Variants in ZNF146 observed in about 807,000 individuals in gnomAD.
ZNF146 encodes zinc finger protein 146.
In ZNF146, 9 loss-of-function variants were observed where a neutral mutation model predicts 22.2. The observed-to-expected ratio is 0.41, with a 90% CI of 0.24 to 0.71. The LOEUF (loss-of-function observed/expected upper bound fraction) is 0.71. ZNF146 is among the 30% of genes least tolerant of loss of function. The pLI is 0.34. For missense variants in ZNF146, 194 were observed against 344.8 expected, an observed-to-expected ratio of 0.56 and a Z score of 3.46; for synonymous variants, 108 against 119.2, an observed-to-expected ratio of 0.91 and a Z score of 0.61.
At chr19:36,223,361 A>T (rs1273271056) in intron 2 of ZNF146, among the ~76,000 whole-genome samples, 2 of 150,764 alleles carry the variant, frequency 1.3e-5, no homozygotes. Context: ...AAAAAAATCT[A>T]GTTACATTTT....
chr19:36,231,097 G>A (rs61326559), intron 3 of ZNF146, among the ~76,000 whole-genome samples: 5,985 of 152,206 alleles, frequency 0.039, 355 homozygotes, highest in African/African-American at 0.13. Context: ...CGTGACACGC[G>A]TAAACGTGAC....
rs1386184020 is a variant in ZNF146 at position 36,237,841 on chromosome 19, G to C, written c.*522G>C. 1 of 167,102 alleles carries C rather than the reference G, an allele frequency of 6.0e-6. No homozygotes were observed. Among genetic ancestry groups the C allele is most frequent in the African/African-American group, 2.4e-5 (1 of 41,432 alleles). The allele number at this position is 167,102 out of a possible 1,614,324, so 10.4% of individuals were successfully genotyped here. A position where few individuals can be genotyped will look rare whatever the true frequency, so the allele number is the denominator to read the frequency against. On this transcript the variant is annotated 3_prime_UTR_variant, in exon 4 of 4. Coordinates refer to ENST00000443387, the MANE Select transcript of ZNF146 (RefSeq NM_007145.3). ...ATAATGGAACTATTTTTTTTAAGTG[G>C]AGGTAGTTTGTTCTCCAAGGGGGAA... is the stretch of plus-strand genomic sequence containing the variant.
At chr19:36,234,845 A>G (rs544642629) in intron 3 of ZNF146, among the ~76,000 whole-genome samples, 81 of 152,330 alleles carry the variant, frequency 5.3e-4, no homozygotes, top group African/African-American at 1.8e-3. Flanking sequence ...TGCAGGGGAT[A>G]AACTTCCATT....
At chr19:36,220,945 C>T (rs1005624620) in intron 2 of ZNF146, among the ~76,000 whole-genome samples, 16 of 151,560 alleles carry the variant, frequency 1.1e-4, no homozygotes, top group Non-Finnish European at 1.5e-5. Flanking sequence ...ATCTGCCTCC[C>T]CAGTTCCAGC....
At chr19:36,215,807 C>T (rs1976577953) in intron 1 of ZNF146, among the ~76,000 whole-genome samples, 1 of 152,132 alleles carries the variant, frequency 6.6e-6, no homozygotes, top group Admixed American at 6.5e-5. Context: ...CTTTGAGAAG[C>T]AATCCCATAT....
chr19:36,219,889 C>T (rs534417711), intron 2 of ZNF146, among the ~76,000 whole-genome samples: 11 of 152,130 alleles, frequency 7.2e-5, no homozygotes, highest in Non-Finnish European at 4.4e-5. Flanking sequence ...CTTTTCATTC[C>T]TTTTACATTT....
chr19:36,223,463 C>T (rs1225255049), intron 2 of ZNF146, among the ~76,000 whole-genome samples: 3 of 151,730 alleles, frequency 2.0e-5, no homozygotes, highest in African/African-American at 4.8e-5. Context: ...CCCGGGTTCA[C>T]GCCATTCTCC....
chr19:36,229,252 T>A (rs917880278), intron 3 of ZNF146, among the ~76,000 whole-genome samples: 21 of 152,222 alleles, frequency 1.4e-4, no homozygotes, highest in African/African-American at 5.1e-4. Flanking sequence ...TTCTCACACT[T>A]CCCGTTGTCT....
In ZNF146 at chr19:36,235,695, A is replaced by T. The variant is rs1413075397; in HGVS notation, c.-746A>T. 1 of 152,220 alleles carries T rather than the reference A, an allele frequency of 6.6e-6. No homozygotes were observed. The highest frequency in any genetic ancestry group is 1.5e-5 in the Non-Finnish European group (1 of 68,076). The allele number at this position is 152,220 out of a possible 1,614,324, so 9.4% of individuals were successfully genotyped here. A position where few individuals can be genotyped will look rare whatever the true frequency, so the allele number is the denominator to read the frequency against. On this transcript the variant is annotated 5_prime_UTR_variant, in exon 4 of 4. Transcript: ENST00000443387. ...GAAGATGATGCACAGATAGAGAGGC[A>T]CCAGGACTTGAGAGGCACCAGGACT...
At chr19:36,217,452 C>A (rs944274452) in intron 1 of ZNF146, among the ~76,000 whole-genome samples, 1 of 151,648 alleles carries the variant, frequency 6.6e-6, no homozygotes, top group African/African-American at 2.4e-5. Flanking sequence ...TGGTGTACAT[C>A]GATACAACAA....
At chr19:36,233,309 G>A (rs1180337197) in intron 3 of ZNF146, among the ~76,000 whole-genome samples, 1 of 152,144 alleles carries the variant, frequency 6.6e-6, no homozygotes, top group Non-Finnish European at 1.5e-5. Flanking sequence ...GAAGCCAGGA[G>A]GCCGAGGTTG....
At position 36,236,400 on chromosome 19, in the gene ZNF146, C is replaced by G. The variant is rs747165223; in HGVS notation, c.-41C>G. On this transcript the variant is annotated 5_prime_UTR_variant, in exon 4 of 4. The change creates a premature stop within an existing upstream ORF in the 5' untranslated region. Coordinates refer to ENST00000443387, the MANE Select transcript of ZNF146 (RefSeq NM_007145.3). Reference sequence around the variant, plus strand: ...ATCCTCACTCATCAAGAAATTTTTACTGGAGAGAAACCTTGTGAATGTGGG... The same window carrying G: ...ATCCTCACTCATCAAGAAATTTTTAGTGGAGAGAAACCTTGTGAATGTGGG... 6.5e-7 allele frequency: 1 copy of G among 1,545,216 alleles called. No homozygotes were observed. Among genetic ancestry groups the G allele is most frequent in the Non-Finnish European group, 8.7e-7 (1 of 1,151,372 alleles).
rs1977677490 is a variant in ZNF146, at chr19:36,237,283, A to G, written c.843A>G (p.Ser281=). 6.2e-7 allele frequency: 1 copy of G among 1,613,584 alleles called. No homozygotes were observed. Among genetic ancestry groups the G allele is most frequent in the South Asian group, 1.1e-5 (1 of 91,040 alleles). ...GTGGGAAAGCTTTCAGCCAGAAGTC[A>G]CACCACATTAGACACCAGAAAATTC... The part of the protein sequence containing the change: ...SECGKAFSQK[S]HHIRHQKIHT... The change falls in exon 4 of 4, where the codon TCA becomes TCG. Residue 281 remains serine (S), a synonymous_variant. Coordinates refer to ENST00000443387, the MANE Select transcript of ZNF146 (RefSeq NM_007145.3).
chr19:36,236,379 T>C lies in ZNF146; in HGVS notation c.-62T>C, dbSNP rs967231397. On this transcript the variant is annotated 5_prime_UTR_variant, in exon 4 of 4. Coordinates refer to ENST00000443387, the MANE Select transcript of ZNF146 (RefSeq NM_007145.3). ...AATATCTTCAGCCAAAAGTAAATCC[T>C]CACTCATCAAGAAATTTTTACTGGA... is the stretch of plus-strand genomic sequence containing the variant. 4.6e-6 allele frequency: 7 copies of C among 1,530,450 alleles called. No individual in the cohort carries two copies. The highest frequency in any genetic ancestry group is 6.1e-6 in the Non-Finnish European group (7 of 1,142,756). 94.8% of individuals were successfully genotyped at this position (1,530,450 alleles called of 1,614,324 possible). A position where few individuals can be genotyped will look rare whatever the true frequency, so the allele number is the denominator to read the frequency against.
At chr19:36,225,393 C>G (rs1440171808) in intron 2 of ZNF146, among the ~76,000 whole-genome samples, 1 of 152,200 alleles carries the variant, frequency 6.6e-6, no homozygotes, top group Non-Finnish European at 1.5e-5. Flanking sequence ...TTTCTTTACT[C>G]ATTTCCTCTG....
chr19:36,234,345 C>CA (rs1305908156), intron 3 of ZNF146, among the ~76,000 whole-genome samples: 4 of 140,656 alleles, frequency 2.8e-5, no homozygotes, highest in Non-Finnish European at 6.1e-5. Flanking sequence ...GCCTGGGCGA[C>CA]AGAGCAAGAC....
At chr19:36,229,495 C>T (rs188538935) in intron 3 of ZNF146, among the ~76,000 whole-genome samples, 1 of 152,324 alleles carries the variant, frequency 6.6e-6, no homozygotes, top group East Asian at 1.9e-4. Context: ...TAACTCTTGA[C>T]TCTTAGTCCT....
intron 3 of ZNF146, among the ~76,000 whole-genome samples, 177 bp downstream of exon 3, chr19:36,228,996 T>A (rs1161901990): frequency 2.0e-5 from 3 of 152,222 alleles, no homozygotes; most frequent in African/African-American, 4.8e-5. Flanking sequence ...TTCTTCTTCT[T>A]TCACCAGATT....
intron 3 of ZNF146, among the ~76,000 whole-genome samples, chr19:36,232,062 G>A (rs558674690): frequency 2.6e-5 from 4 of 151,986 alleles, no homozygotes; most frequent in Admixed American, 6.6e-5. Flanking sequence ...AACTAGCTGG[G>A]CGTGGTGATG....
Sources: allele counts gnomAD v4.1 joint callset (sites outside exome capture counted in the v4.1 genomes callset), GRCh38; gene constraint gnomAD v4.1.1; transcripts MANE v1.5; gene names NCBI Gene and HGNC (gene_info 2026-07-23, HGNC 2026-07-21).